Variants in MRLN observed in about 807,000 individuals in gnomAD.
MRLN encodes the protein Linc-RNA activator of myogenesis.
At chr10:59,743,773 TCCTGCCTCAGCCTGCCGAGTG>T (rs1168521988) in intron 1 of MRLN, among the ~76,000 whole-genome samples, 1 of 152,150 alleles carries the variant, frequency 6.6e-6, no homozygotes, top group Non-Finnish European at 1.5e-5. Flanking sequence ...TGCCTGATTC[TCCTGCCTCAGCCTGCCGAGTG>T]CCTGGGATTG....
At chr10:59,745,057 A>G (rs1468743172) in intron 1 of MRLN, among the ~76,000 whole-genome samples, 4 of 152,184 alleles carry the variant, frequency 2.6e-5, no homozygotes, top group Admixed American at 6.5e-5. Context: ...CTATTGTCCT[A>G]TGACCCTGCC....
chr10:59,750,194 C>A (rs1841087060), intron 1 of MRLN, among the ~76,000 whole-genome samples: 1 of 151,504 alleles, frequency 6.6e-6, no homozygotes, highest in Admixed American at 6.6e-5. Context: ...TGCCTCAGCC[C>A]CCGAGTAGCT....
At chr10:59,737,328 T>C (rs1281963301) in intron 2 of MRLN, 108 bp from the exon 3 acceptor site, 6 of 373,488 alleles carry the variant, frequency 1.6e-5, no homozygotes, top group Admixed American at 1.4e-4. Context: ...AGGTAAGTCT[T>C]CCAGGGAATA....
intron 1 of MRLN, among the ~76,000 whole-genome samples, chr10:59,748,586 A>G (rs561869969): frequency 6.6e-5 from 10 of 152,224 alleles, no homozygotes; most frequent in Non-Finnish European, 1.3e-4. Flanking sequence ...AAGAAAAACA[A>G]TAAGGGGGAA....
intron 1 of MRLN, among the ~76,000 whole-genome samples, chr10:59,750,336 G>A (rs187836609): frequency 6.8e-4 from 103 of 152,206 alleles, no homozygotes; most frequent in Middle Eastern, 3.4e-3. Context: ...CTCCCAAAAT[G>A]CTGGGATTAC....
At chr10:59,743,680 C>T (rs1016784522) in intron 1 of MRLN, among the ~76,000 whole-genome samples, 1 of 152,076 alleles carries the variant, frequency 6.6e-6, no homozygotes, top group Non-Finnish European at 1.5e-5. Context: ...CTCCGCCTCC[C>T]CCTCCCTCTT....
At position 59,737,182 on chromosome 10, in the gene MRLN, T is replaced by C; in HGVS notation, c.19A>G (p.Ile7Val). MTGKNWILISTTTPKSL... is the reference protein window; with the variant it reads MTGKNWVLISTTTPKSL... The stretch of plus-strand genomic sequence containing the variant: ...TTGGGAGTAGTAGTAGAAATTAATA[T>C]CCAGTTTTTACCAGTCATATCCAGA... Residue 7 changes from isoleucine (I) to valine (V), a missense_variant, in exon 3 of 3, where the codon ATA becomes GTA. Ile to Val is a conservative substitution (Grantham distance 29). Coordinates refer to ENST00000414264, the MANE Select transcript of MRLN (RefSeq NM_001304731.2). The C allele has an allele frequency of 2.5e-6, 1 of 397,756 alleles. No individual in the cohort carries two copies. 24.6% of individuals were successfully genotyped at this position (397,756 alleles called of 1,614,324 possible).
chr10:59,740,311 T>C (rs1840968760), intron 1 of MRLN, among the ~76,000 whole-genome samples: 1 of 152,198 alleles, frequency 6.6e-6, no homozygotes, highest in African/African-American at 2.4e-5. Context: ...AATAGTTGTA[T>C]TGACTATACT....
At chr10:59,740,693 A>G (rs1840973525) in intron 1 of MRLN, among the ~76,000 whole-genome samples, 1 of 152,180 alleles carries the variant, frequency 6.6e-6, no homozygotes, top group Non-Finnish European at 1.5e-5. Flanking sequence ...TTATTATGAA[A>G]GAGTCAAAAC....
chr10:59,741,668 G>C (rs1840985657), intron 1 of MRLN, among the ~76,000 whole-genome samples: 1 of 152,134 alleles, frequency 6.6e-6, no homozygotes. Flanking sequence ...ACAGAGGTGA[G>C]CCACCACACC....
At chr10:59,750,985 T>TG (rs1841097240) in intron 1 of MRLN, among the ~76,000 whole-genome samples, 2 of 152,008 alleles carry the variant, frequency 1.3e-5, no homozygotes, top group Admixed American at 6.6e-5. Context: ...TGGAGGGGAG[T>TG]GGGGAAATCT....
intron 1 of MRLN, among the ~76,000 whole-genome samples, chr10:59,752,166 T>C (rs968650330): frequency 4.6e-5 from 7 of 152,220 alleles, no homozygotes; most frequent in Non-Finnish European, 8.8e-5. Flanking sequence ...TGGTTTACAC[T>C]ATTCTAAAAA....
intron 1 of MRLN, among the ~76,000 whole-genome samples, chr10:59,751,969 A>G (rs950461282): frequency 4.6e-5 from 7 of 152,244 alleles, no homozygotes; most frequent in Admixed American, 4.6e-4. Context: ...AAACATAGAA[A>G]GACAGAGCAA....
intron 1 of MRLN, among the ~76,000 whole-genome samples, chr10:59,743,716 C>G (rs1841008349): frequency 6.6e-6 from 1 of 152,148 alleles, no homozygotes; most frequent in African/African-American, 2.4e-5. Context: ...TGATGCCCAG[C>G]CGAGGCTGGA....
At chr10:59,740,471 G>A (rs962796974) in intron 1 of MRLN, among the ~76,000 whole-genome samples, 5 of 152,234 alleles carry the variant, frequency 3.3e-5, no homozygotes, top group African/African-American at 9.6e-5. Flanking sequence ...TGTCCCTGAA[G>A]ACCTTCCAGT....
intron 1 of MRLN, chr10:59,738,926 C>A (rs1323990300): frequency 6.6e-6 from 1 of 151,990 alleles, no homozygotes; most frequent in African/African-American, 2.4e-5. Flanking sequence ...TCGAGACCAG[C>A]CTGACCAATA....
chr10:59,748,840 TTC>T (rs1433994928), intron 1 of MRLN, among the ~76,000 whole-genome samples: 4 of 152,214 alleles, frequency 2.6e-5, no homozygotes, highest in African/African-American at 9.6e-5. Flanking sequence ...ACATCTTTGA[TTC>T]CAGCCCATGT....
intron 1 of MRLN, among the ~76,000 whole-genome samples, chr10:59,749,739 G>A (rs1841079997): frequency 6.6e-6 from 1 of 152,096 alleles, no homozygotes. Flanking sequence ...CATGCTGCCT[G>A]ACACTCAATA....
intron 1 of MRLN, among the ~76,000 whole-genome samples, chr10:59,745,705 A>T (rs906759288): frequency 6.6e-6 from 1 of 150,508 alleles, no homozygotes; most frequent in African/African-American, 2.5e-5. Flanking sequence ...TGCTTATTAG[A>T]TAGTTGAGGA....
Sources: gnomAD v4.1 joint callset for allele counts (sites outside exome capture counted in the v4.1 genomes callset) on GRCh38, gnomAD v4.1.1 for gene constraint, MANE v1.5 for transcripts, NCBI Gene and HGNC (gene_info 2026-07-23, HGNC 2026-07-21) for gene names.